GRID2: variants seen among roughly 807,000 people sequenced by gnomAD.
GRID2 encodes glutamate ionotropic receptor delta type subunit 2.
In GRID2, 33 loss-of-function variants were observed where a neutral mutation model predicts 114.8. The observed-to-expected ratio is 0.29, with a 90% CI of 0.22 to 0.38. The LOEUF is 0.38. GRID2 is among the 10% of genes least tolerant of loss of function. The probability of loss-of-function intolerance (pLI) is 1.00; values close to 1 mark genes in which losing one functional copy is unlikely to be tolerated. For missense variants in GRID2, 1,184 were observed against 1,257.7 expected (o/e 0.94, Z 0.89); for synonymous variants, 505 against 449.9 (o/e 1.12, Z -1.55).
chr4:92,819,482 C>T (rs1469423240), intron 2 of GRID2, among the ~76,000 whole-genome samples: 1 of 152,110 alleles, frequency 6.6e-6, no homozygotes, highest in Admixed American at 6.6e-5. Context: ...AAAACCCAAA[C>T]AGCCTCACTC....
intron 1 of GRID2, among the ~76,000 whole-genome samples, chr4:92,532,074 C>G (rs1725385479): frequency 6.6e-6 from 1 of 152,102 alleles, no homozygotes; most frequent in Non-Finnish European, 1.5e-5. Flanking sequence ...TGAGTGGCCA[C>G]TAGCATTTTT....
intron 2 of GRID2, among the ~76,000 whole-genome samples, chr4:92,745,450 T>A (rs1041150498): frequency 2.0e-5 from 3 of 152,180 alleles, no homozygotes; most frequent in African/African-American, 7.2e-5. Context: ...TACCTATAGG[T>A]CCATGTTTAT....
intron 4 of GRID2, among the ~76,000 whole-genome samples, chr4:93,114,852 C>T (rs1305702226): frequency 4.6e-5 from 7 of 152,102 alleles, no homozygotes; most frequent in East Asian, 1.9e-4. Context: ...GAGTTTCACT[C>T]AGTCTAGTGG....
At chr4:92,854,553 A>ATG (rs3077718) in intron 2 of GRID2, among the ~76,000 whole-genome samples, 3,384 of 147,648 alleles carry the variant, frequency 0.023, 53 homozygotes, top group East Asian at 0.04. Flanking sequence ...GTGAGTGAGG[A>ATG]TGTGTGTGTG....
chr4:93,233,746 A>G (rs1269793740), intron 7 of GRID2, among the ~76,000 whole-genome samples: 1 of 152,160 alleles, frequency 6.6e-6, no homozygotes, highest in African/African-American at 2.4e-5. Flanking sequence ...ACTGCATGAC[A>G]GAACACCAAT....
At chr4:92,965,450 TAAAAA>T (rs869285420) in intron 2 of GRID2, among the ~76,000 whole-genome samples, 3 of 85,776 alleles carry the variant, frequency 3.5e-5, no homozygotes, top group East Asian at 3.7e-4. Flanking sequence ...ATTCAATTTG[TAAAAA>T]AAAAAAAAAA....
At chr4:92,553,453 A>G (rs1190234324) in intron 1 of GRID2, among the ~76,000 whole-genome samples, 3 of 152,240 alleles carry the variant, frequency 2.0e-5, no homozygotes, top group African/African-American at 7.2e-5. Context: ...AATGTCATTT[A>G]TGACTCCTCC....
chr4:93,544,322 T>C (rs1049166064), intron 13 of GRID2, among the ~76,000 whole-genome samples: 1 of 151,654 alleles, frequency 6.6e-6, no homozygotes, highest in African/African-American at 2.4e-5. Context: ...AAAACAAATA[T>C]GAGAATTATT....
intron 6 of GRID2, 143 bp from the exon 7 acceptor site, chr4:93,224,471 G>T (rs1745255749): frequency 1.8e-6 from 1 of 551,028 alleles, no homozygotes; most frequent in East Asian, 3.0e-5. Flanking sequence ...CCCAGGAAAT[G>T]ACAAAAGAAA....
intron 1 of GRID2, among the ~76,000 whole-genome samples, chr4:92,455,781 T>C (rs541759381): frequency 1.1e-4 from 17 of 152,294 alleles, no homozygotes; most frequent in Admixed American, 3.9e-4. Flanking sequence ...TTTGTTATGC[T>C]TGTGGAGGGG....
intron 1 of GRID2, among the ~76,000 whole-genome samples, chr4:92,481,375 A>G (rs551521203): frequency 1.3e-5 from 2 of 152,256 alleles, no homozygotes; most frequent in Admixed American, 6.5e-5. Context: ...TAGAATGGTA[A>G]TAAGGAATTT....
chr4:93,584,358 T>C (rs1368209877), intron 13 of GRID2, among the ~76,000 whole-genome samples: 6 of 152,056 alleles, frequency 3.9e-5, no homozygotes. Flanking sequence ...ATAGGATAAG[T>C]ATTTGAGGAT....
Position 92,934,934 on chromosome 4 carries a change from C to T in GRID2, c.245-150061C>T, listed in dbSNP as rs1750541411. ...ACGTTCGACCTAAAACCATAAAAAC[C>T]CTAGAAGAAAACCTAGGCATTACCA... is the stretch of plus-strand genomic sequence containing the variant. On this transcript the variant is annotated intron_variant, in intron 2 of 15. Transcript: ENST00000282020. Among the ~76,000 whole-genome samples, 6 of 146,408 alleles carry T rather than the reference C, an allele frequency of 4.1e-5. No homozygotes were observed. The Admixed American group carries it at 4.4e-4, about 11-fold the overall frequency.
chr4:93,726,478 G>A (rs1346598809), intron 14 of GRID2, among the ~76,000 whole-genome samples: 1 of 152,054 alleles, frequency 6.6e-6, no homozygotes, highest in Non-Finnish European at 1.5e-5. Flanking sequence ...GCTCTTTTTT[G>A]GTTCCATGTG....
At chr4:92,804,780 A>G (rs904331436) in intron 2 of GRID2, among the ~76,000 whole-genome samples, 3 of 152,018 alleles carry the variant, frequency 2.0e-5, no homozygotes, top group African/African-American at 7.2e-5. Context: ...AAGTATTTCT[A>G]GTTTATTCAT....
intron 1 of GRID2, among the ~76,000 whole-genome samples, chr4:92,525,142 A>G (rs567832851): frequency 1.6e-4 from 24 of 152,168 alleles, no homozygotes; most frequent in African/African-American, 5.8e-4. Flanking sequence ...GGAGGAATCA[A>G]AGAACTGGTG....
chr4:93,528,268 G>T (rs1731114863), intron 13 of GRID2, among the ~76,000 whole-genome samples: 1 of 151,806 alleles, frequency 6.6e-6, no homozygotes, highest in Non-Finnish European at 1.5e-5. Context: ...ATGAATAATG[G>T]CTCTCAATTA....
chr4:92,448,061 C>T (rs977679935), intron 1 of GRID2, among the ~76,000 whole-genome samples: 1 of 152,132 alleles, frequency 6.6e-6, no homozygotes, highest in Non-Finnish European at 1.5e-5. Context: ...AGTAAACTTA[C>T]ATGAAATGAC....
chr4:92,707,045 C>T (rs184786919), intron 2 of GRID2, among the ~76,000 whole-genome samples: 37 of 152,156 alleles, frequency 2.4e-4, no homozygotes, highest in Admixed American at 5.2e-4. Context: ...TAAATACTTA[C>T]GCTAGAATTA....
Sources: allele counts gnomAD v4.1 joint callset (sites outside exome capture counted in the v4.1 genomes callset), GRCh38; gene constraint gnomAD v4.1.1; transcripts MANE v1.5; gene names NCBI Gene and HGNC (gene_info 2026-07-23, HGNC 2026-07-21).